The following PTPRD variants were observed in gnomAD, a reference collection of about 807,000 sequenced individuals.
PTPRD encodes receptor-type tyrosine-protein phosphatase delta.
PTPRD carries 34 observed loss-of-function variants against 214.5 expected under a neutral mutation model. The observed-to-expected ratio is 0.16, with a 90% CI of 0.12 to 0.21. PTPRD has a LOEUF of 0.21. Among genes scored for constraint, PTPRD ranks in the 10% least tolerant of loss-of-function variants. PTPRD has a pLI of 1.00. For synonymous variants in PTPRD, 1,128 were observed against 845.7 expected (o/e 1.33, Z -5.79); for missense variants, 2,545 against 2,398.7 (o/e 1.06, Z -1.27).
chr9:9,326,336 GA>G (rs1188365040), intron 9 of PTPRD, among the ~76,000 whole-genome samples: 2 of 152,122 alleles, frequency 1.3e-5, no homozygotes, highest in African/African-American at 4.8e-5. Flanking sequence ...CCTATGGATT[GA>G]GAGAAATTTT....
chr9:9,115,512 G>C (rs112414878), intron 10 of PTPRD, among the ~76,000 whole-genome samples: 119 of 152,214 alleles, frequency 7.8e-4, no homozygotes, highest in African/African-American at 2.6e-3. Flanking sequence ...AAAAGGCAAT[G>C]CTTATACACT....
At chr9:9,535,253 C>T (rs16929661) in intron 8 of PTPRD, among the ~76,000 whole-genome samples, 5,290 of 152,092 alleles carry the variant, frequency 0.035, 124 homozygotes, top group African/African-American at 0.07. Context: ...AAGATGTAAA[C>T]GATTCTAGCT....
intron 2 of PTPRD, among the ~76,000 whole-genome samples, chr9:10,403,258 A>ATATATATATATATATATG (rs2098304683): frequency 7.2e-6 from 1 of 139,658 alleles, no homozygotes; most frequent in Non-Finnish European, 1.6e-5. Context: ...ATATATATAT[A>ATATATATATATATATATG]TGAAAAATGT....
chr9:8,460,324 A>G (rs1280532069), intron 33 of PTPRD, 87 bp downstream of exon 33: 1 of 1,497,002 alleles, frequency 6.7e-7, no homozygotes. Flanking sequence ...TACTAAAATC[A>G]ACCACCTAAG....
chr9:9,669,459 A>C (rs1382825363), intron 7 of PTPRD, among the ~76,000 whole-genome samples: 2 of 152,214 alleles, frequency 1.3e-5, no homozygotes, highest in Non-Finnish European at 2.9e-5. Flanking sequence ...AGTTCTAAAA[A>C]CAATTTGTGA....
chr9:8,497,180 G>A, intron 26 of PTPRD, 62 bp downstream of exon 26: 1 of 1,369,270 alleles, frequency 7.3e-7, no homozygotes, highest in South Asian at 1.3e-5. Flanking sequence ...ATAAGTGAAA[G>A]GATGTCAGAG....
chr9:10,324,808 C>A (rs989565170), intron 3 of PTPRD, among the ~76,000 whole-genome samples: 1 of 151,996 alleles, frequency 6.6e-6, no homozygotes, highest in African/African-American at 2.4e-5. Flanking sequence ...TGATACCTCA[C>A]TTACTGTAAG....
intron 37 of PTPRD, among the ~76,000 whole-genome samples, chr9:8,387,198 G>C (rs2087438118): frequency 6.6e-6 from 1 of 152,196 alleles, no homozygotes; most frequent in African/African-American, 2.4e-5. Context: ...AGCAAACAGA[G>C]GTTCATTTAG....
chr9:9,953,493 GACAC>G (rs59836734), intron 4 of PTPRD, among the ~76,000 whole-genome samples: 13,440 of 145,264 alleles, frequency 0.093, 1,174 homozygotes, highest in East Asian at 0.23. Flanking sequence ...GGGAATTGTG[GACAC>G]ACACACACAC....
At chr9:9,253,356 G>A (rs2099976263) in intron 9 of PTPRD, among the ~76,000 whole-genome samples, 1 of 151,850 alleles carries the variant, frequency 6.6e-6, no homozygotes, top group African/African-American at 2.4e-5. Context: ...TAAGTTGCTG[G>A]CGTCGAGTCT....
rs1330888312 is a variant in PTPRD, at chr9:8,971,003, A to G, written c.-104+47694T>C. ...CTTTAAGTTATAAAAGTTTTTAAAA[A>G]GCCTAAAAGCATTTTCATAGAAATT... is the stretch of plus-strand genomic sequence containing the variant. On this transcript the variant is annotated intron_variant, in intron 11 of 45. Transcript: ENST00000381196. Among the ~76,000 whole-genome samples the G allele has an allele frequency of 5.3e-5, 8 of 151,902 alleles. No homozygotes were observed. The South Asian group carries it at 1.4e-3, about 28-fold the overall frequency.
At chr9:8,675,181 G>A (rs1418809534) in intron 12 of PTPRD, among the ~76,000 whole-genome samples, 7 of 151,914 alleles carry the variant, frequency 4.6e-5, no homozygotes, top group African/African-American at 1.7e-4. Flanking sequence ...GATTCCACCC[G>A]GGTTTGAAAT....
chr9:9,564,581 A>C (rs2083849503), intron 8 of PTPRD, among the ~76,000 whole-genome samples: 2 of 151,986 alleles, frequency 1.3e-5, no homozygotes, highest in Admixed American at 1.3e-4. Flanking sequence ...TTTGGGTTGG[A>C]GCTTTCTTTT....
chr9:8,881,699 T>C (rs80004779), intron 11 of PTPRD, among the ~76,000 whole-genome samples: 1 of 152,146 alleles, frequency 6.6e-6, no homozygotes, highest in Non-Finnish European at 1.5e-5. Context: ...TTTTAAGACC[T>C]GCATTTTAAG....
In PTPRD at chr9:9,678,248, T is replaced by C. The variant is rs576989088; in HGVS notation, c.-287+56285A>G. Among the ~76,000 whole-genome samples the C allele has an allele frequency of 2.7e-3, 404 of 151,746 alleles. 2 individuals carry two copies. The highest frequency in any genetic ancestry group is 9.2e-3 in the African/African-American group (380 of 41,420). ...AAGTTCATATGGAACCAAAAAAGAG[T>C]CCACATTGCCAAGACAATCTTAAGC... On this transcript the variant is annotated intron_variant, in intron 7 of 45. Coordinates refer to ENST00000381196, the MANE Select transcript of PTPRD (RefSeq NM_002839.4).
intron 3 of PTPRD, among the ~76,000 whole-genome samples, chr9:10,289,037 T>TTA (rs2095450160): frequency 6.7e-6 from 1 of 148,798 alleles, no homozygotes. Flanking sequence ...TTTTTTTTTT[T>TTA]ATTTCTTTTT....
intron 10 of PTPRD, among the ~76,000 whole-genome samples, chr9:9,099,267 T>C (rs1386886333): frequency 6.6e-6 from 1 of 152,200 alleles, no homozygotes; most frequent in Non-Finnish European, 1.5e-5. Context: ...TTCAGTTGGG[T>C]GCTGGTTCAT....
At chr9:9,208,142 G>A (rs10977572) in intron 9 of PTPRD, among the ~76,000 whole-genome samples, 3 of 149,846 alleles carry the variant, frequency 2.0e-5, no homozygotes, top group Admixed American at 6.7e-5. Flanking sequence ...AGCCTCCGGA[G>A]TAGCTGGGAC....
intron 14 of PTPRD, among the ~76,000 whole-genome samples, chr9:8,574,031 T>C (rs1001155553): frequency 2.0e-5 from 3 of 151,934 alleles, no homozygotes; most frequent in African/African-American, 7.2e-5. Flanking sequence ...GACTTTCTGG[T>C]TCCTCCTCAG....
Sources: allele counts gnomAD v4.1 joint callset (sites outside exome capture counted in the v4.1 genomes callset), GRCh38; gene constraint gnomAD v4.1.1; transcripts MANE v1.5; gene names NCBI Gene and HGNC (gene_info 2026-07-23, HGNC 2026-07-21).